The following RTKN2 variants were observed in gnomAD, a reference collection of about 807,000 sequenced individuals.
RTKN2 encodes rhotekin-2.
A neutral mutation model predicts 71.5 loss-of-function variants in RTKN2; 69 were observed. The observed-to-expected ratio is 0.96, with a 90% CI of 0.79 to 1.18. The LOEUF (loss-of-function observed/expected upper bound fraction) is 1.18. RTKN2 is among the 50% of genes most tolerant of loss of function. The pLI is 0.00. For synonymous variants in RTKN2, 236 were observed against 236.5 expected (o/e 1.00, Z 0.02); for missense variants, 724 against 719.7 (o/e 1.01, Z -0.07).
chr10:62,226,365 A>G (rs1842024103), intron 6 of RTKN2, among the ~76,000 whole-genome samples: 1 of 152,200 alleles, frequency 6.6e-6, no homozygotes, highest in Non-Finnish European at 1.5e-5. Context: ...CATGCACTTC[A>G]ATAAATAATA....
At position 62,194,563 on chromosome 10, in the gene RTKN2, T is replaced by C. The variant is rs1274026716; in HGVS notation, c.*3345A>G. On this transcript the variant is annotated 3_prime_UTR_variant, in exon 12 of 12. Transcript: ENST00000373789. ...TTTCTTGCAGAGCAGTTCTTGCTCA[T>C]GGTGCAATGCAGTACTCTGTCCATG... 2.0e-6 allele frequency: 2 copies of C among 985,462 alleles called. No homozygotes were observed. The highest frequency in any genetic ancestry group is 2.4e-6 in the Non-Finnish European group (2 of 829,922). 61.0% of individuals were successfully genotyped at this position (985,462 alleles called of 1,614,324 possible).
rs762817625 is a variant in RTKN2 at position 62,198,407 on chromosome 10, T to G, written c.1331A>C (p.Asp444Ala). The change falls in exon 12 of 12, where the codon GAT becomes GCT. Residue 444 changes from aspartate to alanine, a missense_variant. Coordinates refer to ENST00000373789, the MANE Select transcript of RTKN2 (RefSeq NM_145307.4). ...CTCTTCAATTTTTTTTTGTATTATA[T>G]CCGTTAAACTTTCAAGTTTCATAGG... ...DSPMKLESLTDIIQKKIEETN... is the reference protein window; with the variant it reads ...DSPMKLESLTAIIQKKIEETN... 6.4e-7 allele frequency: 1 copy of G among 1,562,728 alleles called. No homozygotes were observed. The highest frequency in any genetic ancestry group is 8.6e-7 in the Non-Finnish European group (1 of 1,156,972).
chr10:62,253,101 G>A (rs934382464), intron 2 of RTKN2, among the ~76,000 whole-genome samples: 2 of 152,018 alleles, frequency 1.3e-5, no homozygotes, highest in South Asian at 2.1e-4. Context: ...ACTCTAGGAT[G>A]AACACAAGAA....
intron 6 of RTKN2, among the ~76,000 whole-genome samples, chr10:62,230,981 T>A (rs1842136510): frequency 6.6e-6 from 1 of 152,220 alleles, no homozygotes; most frequent in Admixed American, 6.6e-5. Context: ...ATATAATAGT[T>A]GAGTAACTTC....
intron 9 of RTKN2, among the ~76,000 whole-genome samples, chr10:62,211,923 C>CA (rs1841667307): frequency 6.6e-6 from 1 of 152,116 alleles, no homozygotes; most frequent in African/African-American, 2.4e-5. Flanking sequence ...GCTGACCTCC[C>CA]AAAGTGCTGG....
chr10:62,221,833 TATC>T (rs1470203696), intron 7 of RTKN2, among the ~76,000 whole-genome samples: 2 of 151,868 alleles, frequency 1.3e-5, no homozygotes, highest in African/African-American at 4.8e-5. Flanking sequence ...AGAAAGCAAA[TATC>T]AGAATGGAAA....
chr10:62,242,470 T>C (rs149247076), intron 3 of RTKN2, among the ~76,000 whole-genome samples: 2 of 152,268 alleles, frequency 1.3e-5, no homozygotes, highest in African/African-American at 2.4e-5. Flanking sequence ...CTTTTTGCTA[T>C]TATATTTTCT....
intron 1 of RTKN2, among the ~76,000 whole-genome samples, chr10:62,268,115 TTC>T (rs1842899201): frequency 6.6e-6 from 1 of 152,136 alleles, no homozygotes; most frequent in African/African-American, 2.4e-5. Context: ...CCCCAACCAG[TTC>T]TGTGTTGTGT....
chr10:62,227,660 A>G (rs772998343), intron 6 of RTKN2, among the ~76,000 whole-genome samples: 3 of 152,190 alleles, frequency 2.0e-5, no homozygotes, highest in South Asian at 2.1e-4. Context: ...GTCATGTGCT[A>G]TGATCTGACT....
rs183669558 is a variant in RTKN2, at chr10:62,196,891, G to A, written c.*1017C>T. The A allele has an allele frequency of 4.0e-5, 39 of 983,194 alleles. No homozygotes were observed. The African/African-American group carries it at 5.9e-4, about 15-fold the overall frequency. The allele number at this position is 983,194 out of a possible 1,614,324, so 60.9% of individuals were successfully genotyped here. A position where few individuals can be genotyped will look rare whatever the true frequency, so the allele number is the denominator to read the frequency against. Reference sequence around the variant, plus strand: ...TTTATAATCCTGTTTGGGTCACTATGATTAGTTGCTATGGAAATTACCTCC... The same window carrying A: ...TTTATAATCCTGTTTGGGTCACTATAATTAGTTGCTATGGAAATTACCTCC... On this transcript the variant is annotated 3_prime_UTR_variant, in exon 12 of 12. Coordinates refer to ENST00000373789, the MANE Select transcript of RTKN2 (RefSeq NM_145307.4).
chr10:62,214,473 C>A (rs1841725924), intron 9 of RTKN2, among the ~76,000 whole-genome samples: 1 of 152,124 alleles, frequency 6.6e-6, no homozygotes, highest in Admixed American at 6.6e-5. Context: ...CACTGATTGA[C>A]TACAAAATCT....
At chr10:62,240,503 T>C (rs186459867) in intron 4 of RTKN2, among the ~76,000 whole-genome samples, 34 of 152,332 alleles carry the variant, frequency 2.2e-4, no homozygotes, top group Non-Finnish European at 4.6e-4. Context: ...AACCTGATTT[T>C]AAATTCTTCA....
intron 3 of RTKN2, among the ~76,000 whole-genome samples, chr10:62,243,347 G>A (rs1463914326): frequency 6.6e-6 from 1 of 151,856 alleles, no homozygotes; most frequent in Admixed American, 6.6e-5. Flanking sequence ...TTATTGTTTT[G>A]TAATTATGAC....
chr10:62,236,276 G>A lies in RTKN2; in HGVS notation c.489-13C>T, dbSNP rs748687593. ...CCCTGCTTCATTACTAAAAACAAGG[G>A]CATTCATAATGTTGGAAATTTAACT... On this transcript the variant is annotated splice_polypyrimidine_tract_variant and intron_variant, in intron 5 of 11. Coordinates refer to ENST00000373789, the MANE Select transcript of RTKN2 (RefSeq NM_145307.4). The A allele has an allele frequency of 2.6e-6, 4 of 1,552,272 alleles. No homozygotes were observed. The highest frequency in any genetic ancestry group is 2.3e-5 in the South Asian group (2 of 85,722).
chr10:62,267,978 T>C (rs1204894771), intron 1 of RTKN2, among the ~76,000 whole-genome samples: 4 of 152,250 alleles, frequency 2.6e-5, no homozygotes, highest in African/African-American at 7.2e-5. Context: ...ATCAAACTTC[T>C]ATCCAATGTC....
At chr10:62,220,396 A>C (rs1841880239) in intron 7 of RTKN2, among the ~76,000 whole-genome samples, 1 of 152,228 alleles carries the variant, frequency 6.6e-6, no homozygotes, top group South Asian at 2.1e-4. Flanking sequence ...AAATGAAATG[A>C]AAATTCTGTA....
At chr10:62,268,429 TGGCCACCGCTGAAATAGAGGAGC>T in intron 1 of RTKN2, 99 bp downstream of exon 1, 1 of 961,312 alleles carries the variant, frequency 1.0e-6, no homozygotes, top group Non-Finnish European at 1.6e-6. Context: ...CCTTTGTTTC[TGGCCACCGCTGAAATAGAGGAGC>T]GGGGGAGAGG....
At chr10:62,223,365 T>G in intron 6 of RTKN2, 33 bp from the exon 7 acceptor site, 2 of 1,297,814 alleles carry the variant, frequency 1.5e-6, no homozygotes, top group Non-Finnish European at 2.2e-6. Flanking sequence ...GTTTTAAGTA[T>G]TTTTGTATTT....
intron 9 of RTKN2, among the ~76,000 whole-genome samples, chr10:62,216,668 G>A (rs1213718237): frequency 6.6e-6 from 1 of 152,008 alleles, no homozygotes; most frequent in Non-Finnish European, 1.5e-5. Flanking sequence ...GGACTGTCAG[G>A]CTTTTCTGTT....
Sources: allele counts gnomAD v4.1 joint callset (sites outside exome capture counted in the v4.1 genomes callset), GRCh38; gene constraint gnomAD v4.1.1; transcripts MANE v1.5; gene names NCBI Gene and HGNC (gene_info 2026-07-23, HGNC 2026-07-21).